ZFHX4: variants seen among roughly 807,000 people sequenced by gnomAD.
ZFHX4 encodes the protein zinc finger homeobox 4.
A neutral mutation model predicts 267.6 loss-of-function variants in ZFHX4; 56 were observed. That is an observed-to-expected ratio of 0.21 (90% confidence interval 0.17 to 0.26). The LOEUF is 0.26. Among genes scored for constraint, ZFHX4 ranks in the 10% least tolerant of loss-of-function variants. The pLI, the probability that ZFHX4 is intolerant of heterozygous loss-of-function variation, is 1.00. For synonymous variants in ZFHX4, 1,778 were observed against 1,665.6 expected, an observed-to-expected ratio of 1.07 and a Z score of -1.64; for missense variants, 4,332 against 4,420.0, an observed-to-expected ratio of 0.98 and a Z score of 0.56.
At position 76,707,590 on chromosome 8, in the gene ZFHX4, CTAA is replaced by C; in HGVS notation, c.2637_2639del (p.Met880del). ...TGAAATCCGGCTTGCCAGTGGTCAGCTAATGGGTGATGACCTGTCCCTCCTTAC... is the reference window on the plus strand; with the variant it reads ...TGAAATCCGGCTTGCCAGTGGTCAGCTGGGTGATGACCTGTCCCTCCTTAC... On this transcript the variant is annotated inframe_deletion, in exon 3 of 11. Transcript: ENST00000651372. The C allele has an allele frequency of 6.2e-7, 1 of 1,612,214 alleles. No homozygotes were observed. The highest frequency in any genetic ancestry group is 8.5e-7 in the Non-Finnish European group (1 of 1,178,912).
chr8:76,789,224 T>C (rs1251514730), intron 4 of ZFHX4, among the ~76,000 whole-genome samples: 1 of 152,174 alleles, frequency 6.6e-6, no homozygotes, highest in Non-Finnish European at 1.5e-5. Context: ...ACAGACTGTT[T>C]TGACTGTCTA....
chr8:76,765,104 G>T (rs1000229617), intron 3 of ZFHX4, among the ~76,000 whole-genome samples: 2 of 152,080 alleles, frequency 1.3e-5, no homozygotes, highest in East Asian at 3.9e-4. Flanking sequence ...TACCATTCCG[G>T]ATATAGTTGT....
chr8:76,723,821 C>T (rs1177296967), intron 3 of ZFHX4, among the ~76,000 whole-genome samples: 3 of 151,938 alleles, frequency 2.0e-5, no homozygotes, highest in East Asian at 1.9e-4. Flanking sequence ...TCAGTACCTT[C>T]GGATTTGTGT....
At chr8:76,722,387 T>TC (rs1266398551) in intron 3 of ZFHX4, among the ~76,000 whole-genome samples, 2 of 152,030 alleles carry the variant, frequency 1.3e-5, no homozygotes, top group Non-Finnish European at 2.9e-5. Context: ...ATGAGCCTAA[T>TC]AAGCTTTAAT....
At chr8:76,756,256 A>T (rs1585913187) in intron 3 of ZFHX4, among the ~76,000 whole-genome samples, 1 of 152,326 alleles carries the variant, frequency 6.6e-6, no homozygotes, top group East Asian at 1.9e-4. Context: ...CTTCAGTTAA[A>T]TCAAATGTTT....
At chr8:76,842,915 A>ATTGCATGTGCATT (rs1812274121) in intron 6 of ZFHX4, 144 bp downstream of exon 6, 1 of 528,244 alleles carries the variant, frequency 1.9e-6, no homozygotes, top group Non-Finnish European at 3.4e-6. Context: ...ACTACTATTC[A>ATTGCATGTGCATT]TTGCATGTGC....
chr8:76,700,534 C>G (rs554764935), intron 1 of ZFHX4, among the ~76,000 whole-genome samples: 3 of 152,316 alleles, frequency 2.0e-5, no homozygotes, highest in South Asian at 2.1e-4. Context: ...TTTCATTAGT[C>G]AGGCTCCTTG....
At chr8:76,782,085 A>G in intron 4 of ZFHX4, 1 of 379,044 alleles carries the variant, frequency 2.6e-6, no homozygotes, top group South Asian at 2.0e-5. Context: ...GCTGGATATG[A>G]TGCTTCAGTT....
chr8:76,853,047 T>TC lies in ZFHX4; in HGVS notation c.6131dup (p.Pro2045ThrfsTer95). 1.1e-6 allele frequency: 1 copy of TC among 901,588 alleles called. No individual in the cohort carries two copies. Among genetic ancestry groups the TC allele is most frequent in the Middle Eastern group, 2.5e-4 (1 of 4,064 alleles). 55.8% of individuals were successfully genotyped at this position (901,588 alleles called of 1,614,324 possible). On this transcript the variant is annotated frameshift_variant, in exon 10 of 11. Transcript: ENST00000651372. LOFTEE classifies it high-confidence loss of function. Reference sequence around the variant, plus strand: ...CTCTGCAAGCTCCACCACCCACTCCTCCCCCACCACCACCACCTCCTCCTC... The same window carrying TC: ...CTCTGCAAGCTCCACCACCCACTCCTCCCCCCACCACCACCACCTCCTCCTC...
At chr8:76,834,419 T>C (rs370347471) in intron 5 of ZFHX4, 1 of 213,522 alleles carries the variant, frequency 4.7e-6, no homozygotes, top group Non-Finnish European at 9.7e-6. Flanking sequence ...GTTCTGGATT[T>C]TGGCCATTTT....
chr8:76,753,814 G>C (rs1374037397), intron 3 of ZFHX4, among the ~76,000 whole-genome samples: 3 of 151,958 alleles, frequency 2.0e-5, no homozygotes, highest in Admixed American at 2.0e-4. Flanking sequence ...TTACTGTAGA[G>C]ATGGAGTCTT....
chr8:76,719,770 C>T lies in ZFHX4; in HGVS notation c.3093+11722C>T, dbSNP rs148628071. 5.2e-3 allele frequency among the ~76,000 whole-genome samples: 783 copies of T among 152,022 alleles called. 4 individuals are homozygous for T. The highest frequency in any genetic ancestry group is 0.014 in the Middle Eastern group (4 of 294). ...CAAACAAGTATCTTCTTAAACTGAC[C>T]GACTGTCAGATATTCATAGTGGGAA... On this transcript the variant is annotated intron_variant, in intron 3 of 10. Transcript: ENST00000651372.
chr8:76,712,929 C>A (rs1808464685), intron 3 of ZFHX4, among the ~76,000 whole-genome samples: 1 of 151,684 alleles, frequency 6.6e-6, no homozygotes, highest in Non-Finnish European at 1.5e-5. Context: ...TGAAAAAAAA[C>A]AGTTTCTCTA....
At chr8:76,718,079 C>T (rs1808626086) in intron 3 of ZFHX4, among the ~76,000 whole-genome samples, 1 of 152,168 alleles carries the variant, frequency 6.6e-6, no homozygotes, top group African/African-American at 2.4e-5. Flanking sequence ...GAAAGAGAGT[C>T]AATTTACAAG....
At chr8:76,785,015 A>C in intron 4 of ZFHX4, among the ~76,000 whole-genome samples, 1 of 152,106 alleles carries the variant, frequency 6.6e-6, no homozygotes, top group Non-Finnish European at 1.5e-5. Context: ...CAAATATTTA[A>C]ATTTGGTACT....
In ZFHX4 at chr8:76,852,095, C is replaced by T. The variant is rs1201970819; in HGVS notation, c.5174C>T (p.Thr1725Ile). Reference sequence around the variant, plus strand: ...GCCTTTTTGCCTCATTTTCCTATGACCCCAGAAGCACTGCTGCAGTTTCAG... The same window carrying T: ...GCCTTTTTGCCTCATTTTCCTATGATCCCAGAAGCACTGCTGCAGTTTCAG... ...NPAFLPHFPM[T>I]PEALLQFQQP... The change falls in exon 10 of 11, where the codon ACC (threonine) becomes ATC (isoleucine). Residue 1725 changes from threonine to isoleucine, a missense_variant. Physicochemically the swap from Thr to Ile is moderately conservative, Grantham distance 89 (BLOSUM62 -1). Around this residue, in one of 7 missense-constraint regions of ZFHX4, gnomAD observed 1,371 missense variants for 1,423.1 expected, o/e 0.96. Coordinates refer to ENST00000651372, the MANE Select transcript of ZFHX4 (RefSeq NM_024721.5). 1 of 1,613,966 alleles carries T rather than the reference C, an allele frequency of 6.2e-7. No individual in the cohort carries two copies. The highest frequency in any genetic ancestry group is 8.5e-7 in the Non-Finnish European group (1 of 1,179,880).
intron 3 of ZFHX4, among the ~76,000 whole-genome samples, chr8:76,767,473 A>T (rs1053529057): frequency 6.6e-6 from 1 of 152,162 alleles, no homozygotes; most frequent in African/African-American, 2.4e-5. Flanking sequence ...TTATCCCAGC[A>T]CATGTTAAAA....
intron 1 of ZFHX4, among the ~76,000 whole-genome samples, chr8:76,693,711 G>A (rs192117474): frequency 2.6e-5 from 4 of 152,306 alleles, no homozygotes; most frequent in African/African-American, 9.6e-5. Context: ...TAAACTGTTA[G>A]AGATAGGACC....
At chr8:76,704,017 C>G in intron 1 of ZFHX4, 26 bp from the exon 2 acceptor site, 1 of 1,423,504 alleles carries the variant, frequency 7.0e-7, no homozygotes. Context: ...ATAAAAATGG[C>G]TTCTCTCACC....
Sources: allele counts gnomAD v4.1 joint callset (sites outside exome capture counted in the v4.1 genomes callset), GRCh38; gene constraint gnomAD v4.1.1; regional missense constraint gnomAD v4.1.1; transcripts MANE v1.5; gene names NCBI Gene and HGNC (gene_info 2026-07-23, HGNC 2026-07-21).